ZNF398: variants seen among roughly 807,000 people sequenced by gnomAD.
The protein encoded by ZNF398 is zinc finger DNA binding protein ZER6.
A neutral mutation model predicts 41.9 loss-of-function variants in ZNF398; 18 were observed. The ratio of observed to expected loss-of-function variants is 0.43; its 90% CI spans 0.30 to 0.64. The LOEUF is 0.64. ZNF398 is among the 30% of genes least tolerant of loss of function. The probability of loss-of-function intolerance (pLI) is 0.14; values close to 1 mark genes in which losing one functional copy is unlikely to be tolerated. For missense variants in ZNF398, 669 were observed against 822.8 expected, an observed-to-expected ratio of 0.81 and a Z score of 2.29; for synonymous variants, 260 against 308.8, an observed-to-expected ratio of 0.84 and a Z score of 1.66.
intron 5 of ZNF398, among the ~76,000 whole-genome samples, chr7:149,177,714 T>C (rs775670697): frequency 6.6e-6 from 1 of 152,232 alleles, no homozygotes; most frequent in Non-Finnish European, 1.5e-5. Flanking sequence ...TAGATAATTA[T>C]GTGATTTTAG....
intron 1 of ZNF398, chr7:149,148,397 G>T: frequency 1.0e-6 from 1 of 984,688 alleles, no homozygotes; most frequent in East Asian, 1.1e-4. Context: ...GAGGCGACCG[G>T]GCCGCGCCTG....
At position 149,182,879 on chromosome 7, in the gene ZNF398, C is replaced by G. The variant is rs1159623092; in HGVS notation, c.*3078C>G. 6.6e-6 allele frequency: 1 copy of G among 152,076 alleles called. No individual in the cohort carries two copies. Among genetic ancestry groups the G allele is most frequent in the Non-Finnish European group, 1.5e-5 (1 of 68,026 alleles). The allele number at this position is 152,076 out of a possible 1,614,324, so 9.4% of individuals were successfully genotyped here. ...CTTCCCTTTTCATTAATAATGTGTG[C>G]AAGTTTCCTATTAGCGGGGAAGGTG... On this transcript the variant is annotated 3_prime_UTR_variant, in exon 6 of 6. Transcript: ENST00000475153.
chr7:149,128,780 T>TAAAATAATA (rs71192757), intron 1 of ZNF398: 8 of 143,414 alleles, frequency 5.6e-5, no homozygotes, highest in Non-Finnish European at 7.5e-5. Context: ...TAAAATAAAA[T>TAAAATAATA]TATATATATA....
intron 2 of ZNF398, among the ~76,000 whole-genome samples, chr7:149,160,555 C>T (rs889602951): frequency 6.6e-6 from 1 of 152,226 alleles, no homozygotes; most frequent in Non-Finnish European, 1.5e-5. Flanking sequence ...AAAGTCACAT[C>T]TCTTTTTGAG....
chr7:149,159,182 T>TG (rs1183137635), intron 2 of ZNF398, among the ~76,000 whole-genome samples: 3 of 151,820 alleles, frequency 2.0e-5, no homozygotes, highest in Non-Finnish European at 4.4e-5. Context: ...CCTCAAGTGA[T>TG]GCACCTGCCC....
chr7:149,149,426 G>T (rs935043805), intron 1 of ZNF398, among the ~76,000 whole-genome samples: 2 of 151,928 alleles, frequency 1.3e-5, no homozygotes, highest in Non-Finnish European at 2.9e-5. Context: ...AGAGAGGGGG[G>T]TTTCACCGTG....
intron 4 of ZNF398, among the ~76,000 whole-genome samples, chr7:149,168,655 G>A (rs1352964907): frequency 5.3e-5 from 8 of 151,818 alleles, no homozygotes; most frequent in East Asian, 1.9e-4. Flanking sequence ...TGCAACCTCC[G>A]CCTTCCAGGC....
In ZNF398 at chr7:149,136,298, A is replaced by G. The variant is rs539252911; in HGVS notation, c.-490+7354A>G. On this transcript the variant is annotated intron_variant, in intron 2 of 6. Coordinates refer to the ZNF398 transcript ENST00000426851. ...GAGCGGCCAGGCAGAGGCGCTCCTCACTTCCCAGACTGTGGGGCGGCCGAG... is the reference window on the plus strand; with the variant it reads ...GAGCGGCCAGGCAGAGGCGCTCCTCGCTTCCCAGACTGTGGGGCGGCCGAG... Among the ~76,000 whole-genome samples the G allele has an allele frequency of 5.9e-5, 9 of 152,248 alleles. No homozygotes were observed. The East Asian group carries it at 1.7e-3, about 29-fold the overall frequency.
chr7:149,160,418 C>G (rs905131050), intron 2 of ZNF398, among the ~76,000 whole-genome samples: 8 of 151,886 alleles, frequency 5.3e-5, no homozygotes, highest in African/African-American at 4.9e-5. Flanking sequence ...GTGGGATTCT[C>G]TTCTGCATAT....
intron 2 of ZNF398, among the ~76,000 whole-genome samples, chr7:149,159,957 C>T (rs544690226): frequency 6.6e-6 from 1 of 152,144 alleles, no homozygotes; most frequent in East Asian, 2.0e-4. Context: ...AACTCCTGAC[C>T]TCAAGTGATC....
In ZNF398 at chr7:149,147,766, G is replaced by A. The variant is rs1316607603; in HGVS notation, c.24G>A (p.Pro8=). 1.4e-6 allele frequency: 2 copies of A among 1,391,684 alleles called. No individual in the cohort carries two copies. The highest frequency in any genetic ancestry group is 1.9e-6 in the Non-Finnish European group (2 of 1,071,274). 86.2% of individuals were successfully genotyped at this position (1,391,684 alleles called of 1,614,324 possible). The change falls in exon 1 of 6, where the codon CCG becomes CCA. Residue 8 remains proline, a splice_region_variant and synonymous_variant. Transcript: ENST00000475153. The surrounding 1 kb of genome is among the most constrained non-coding windows in gnomAD (Gnocchi z 5.6). MAEAAPA[P]TSEWDSECLT... ...CCATGGCTGAGGCGGCCCCGGCCCC[G>A]GTAAGGGCGGCCGCGCGCGAGTGTT... is the stretch of plus-strand genomic sequence containing the variant.
At chr7:149,156,841 A>T (rs1794991017) in intron 2 of ZNF398, among the ~76,000 whole-genome samples, 1 of 146,222 alleles carries the variant, frequency 6.8e-6, no homozygotes, top group Non-Finnish European at 1.5e-5. Flanking sequence ...AGCCTGGGCA[A>T]CAAGAGCGAA....
chr7:149,129,987 C>T (rs183686160), intron 2 of ZNF398, among the ~76,000 whole-genome samples: 23 of 151,944 alleles, frequency 1.5e-4, no homozygotes, highest in South Asian at 6.2e-4. Flanking sequence ...TTGGTAGAGA[C>T]GGGGTTTCTC....
chr7:149,150,524 A>G (rs1354870771), intron 1 of ZNF398, among the ~76,000 whole-genome samples: 2 of 152,190 alleles, frequency 1.3e-5, no homozygotes, highest in Admixed American at 1.3e-4. Flanking sequence ...GCTTGAGCCC[A>G]TGAGATGGAG....
At chr7:149,128,095 TG>T (rs1339884399) in intron 1 of ZNF398, among the ~76,000 whole-genome samples, 1 of 152,230 alleles carries the variant, frequency 6.6e-6, no homozygotes, top group Non-Finnish European at 1.5e-5. Flanking sequence ...AAGTTTATTC[TG>T]AGCCAAATAT....
At chr7:149,146,025 A>C (rs1826930382), upstream of ZNF398, among the ~76,000 whole-genome samples, 1 of 143,082 alleles carries the variant, frequency 7.0e-6, no homozygotes, top group South Asian at 2.2e-4. Flanking sequence ...TGCTCACTGC[A>C]ACCTCCGCCT....
chr7:149,140,088 T>G (rs1563154532), intron 2 of ZNF398, among the ~76,000 whole-genome samples: 4 of 152,134 alleles, frequency 2.6e-5, no homozygotes, highest in African/African-American at 9.7e-5. Flanking sequence ...TAGCAGTCAG[T>G]TGAAGTATAT....
intron 2 of ZNF398, among the ~76,000 whole-genome samples, chr7:149,160,250 G>T (rs564452105): frequency 6.6e-6 from 1 of 152,082 alleles, no homozygotes; most frequent in East Asian, 1.9e-4. Flanking sequence ...CATCCTGGCT[G>T]ACACGGGGGT....
At position 149,178,727 on chromosome 7, in the gene ZNF398, A is replaced by T; in HGVS notation, c.855A>T (p.Pro285=). The change falls in exon 6 of 6, where the codon CCA becomes CCT. Residue 285 remains proline, a synonymous_variant. Transcript: ENST00000475153. ...AGGTTCCAGTCCCTTTCTCTTCTCC[A>T]CCAGCAGCAGCAAAGGATGCTTTTT... The part of the protein sequence containing the change: ...CPEVPVPFSS[P]PAAAKDAFSD... 6.2e-7 allele frequency: 1 copy of T among 1,614,152 alleles called. No homozygotes were observed. Among genetic ancestry groups the T allele is most frequent in the Non-Finnish European group, 8.5e-7 (1 of 1,180,036 alleles).
Sources: gnomAD v4.1 joint callset for allele counts (sites outside exome capture counted in the v4.1 genomes callset) on GRCh38, gnomAD v4.1.1 for gene constraint, Gnocchi (gnomAD v3.1) non-coding constraint, MANE v1.5 for transcripts, NCBI Gene and HGNC (gene_info 2026-07-23, HGNC 2026-07-21) for gene names.